The following FSTL5 variants were observed in gnomAD, a reference collection of about 807,000 sequenced individuals.
The protein encoded by FSTL5 is follistatin-related protein 5.
FSTL5 carries 62 observed loss-of-function variants against 89.1 expected under a neutral mutation model. The observed-to-expected ratio is 0.70, with a 90% CI of 0.57 to 0.86. The LOEUF (loss-of-function observed/expected upper bound fraction) is 0.86. FSTL5 is among the 40% of genes least tolerant of loss of function. The pLI is 0.00. For missense variants in FSTL5, 1,057 were observed against 1,001.6 expected, an observed-to-expected ratio of 1.06 and a Z score of -0.75; for synonymous variants, 383 against 346.2, an observed-to-expected ratio of 1.11 and a Z score of -1.18.
In FSTL5 at chr4:161,619,322, A is replaced by G. The variant is rs184960653; in HGVS notation, c.895-31747T>C. Among the ~76,000 whole-genome samples, 21 of 152,338 alleles carry G rather than the reference A, an allele frequency of 1.4e-4. 1 individual carries two copies. The highest frequency in any genetic ancestry group is 8.5e-4 in the Admixed American group (13 of 15,308). On this transcript the variant is annotated intron_variant, in intron 7 of 15. Transcript: ENST00000306100. ...AAAACACCAAAAGCAATGGCAACAA[A>G]AGACAAAATTGACAAATGGGATCTA...
At chr4:162,100,318 T>C (rs757496121) in intron 2 of FSTL5, among the ~76,000 whole-genome samples, 6 of 152,112 alleles carry the variant, frequency 3.9e-5, no homozygotes, top group Non-Finnish European at 7.4e-5. Flanking sequence ...CCTAGCACTT[T>C]GGGAGGCCGA....
At chr4:161,684,868 T>A (rs1337557361) in intron 6 of FSTL5, among the ~76,000 whole-genome samples, 1 of 152,212 alleles carries the variant, frequency 6.6e-6, no homozygotes. Context: ...TGTTATCTTG[T>A]AGAATTTTTA....
intron 4 of FSTL5, among the ~76,000 whole-genome samples, chr4:161,854,892 AATT>A (rs1731675853): frequency 6.6e-6 from 1 of 152,058 alleles, no homozygotes; most frequent in Non-Finnish European, 1.5e-5. Context: ...ATGTTAAAAA[AATT>A]ATTTTTTCCT....
chr4:161,720,719 T>G (rs1009464044), intron 6 of FSTL5, among the ~76,000 whole-genome samples: 1 of 152,160 alleles, frequency 6.6e-6, no homozygotes, highest in Non-Finnish European at 1.5e-5. Context: ...TGCCACAAAA[T>G]GGATGATCCC....
intron 4 of FSTL5, among the ~76,000 whole-genome samples, chr4:161,812,813 G>A (rs1424680285): frequency 7.5e-6 from 1 of 133,876 alleles, no homozygotes; most frequent in Non-Finnish European, 1.5e-5. Context: ...TTTATTGACT[G>A]ACAGTGGAGG....
At chr4:161,416,605 G>A (rs1356172406) in intron 15 of FSTL5, among the ~76,000 whole-genome samples, 1 of 152,146 alleles carries the variant, frequency 6.6e-6, no homozygotes, top group Non-Finnish European at 1.5e-5. Flanking sequence ...AGCACTTTGG[G>A]AGGCCCAGGT....
chr4:162,080,175 G>T (rs948166017), intron 2 of FSTL5, among the ~76,000 whole-genome samples: 1 of 151,598 alleles, frequency 6.6e-6, no homozygotes, highest in African/African-American at 2.4e-5. Flanking sequence ...TTGTATGTTT[G>T]ATGGATGTCT....
chr4:161,766,473 G>A (rs1040980721), intron 5 of FSTL5, among the ~76,000 whole-genome samples: 1 of 152,050 alleles, frequency 6.6e-6, no homozygotes, highest in African/African-American at 2.4e-5. Flanking sequence ...ATTTCATACC[G>A]TGGTTTATTT....
chr4:161,994,445 G>A (rs146513947), intron 3 of FSTL5, among the ~76,000 whole-genome samples: 2 of 152,252 alleles, frequency 1.3e-5, no homozygotes, highest in East Asian at 3.9e-4. Context: ...TTAGCTTCTT[G>A]AGAAATCGCC....
At chr4:161,629,933 G>A (rs1735447172) in intron 7 of FSTL5, among the ~76,000 whole-genome samples, 1 of 152,160 alleles carries the variant, frequency 6.6e-6, no homozygotes, top group African/African-American at 2.4e-5. Flanking sequence ...TCCAGTCGGA[G>A]GCTCAGGACC....
intron 8 of FSTL5, among the ~76,000 whole-genome samples, chr4:161,550,542 T>A (rs1732164251): frequency 1.4e-5 from 2 of 144,102 alleles, no homozygotes; most frequent in South Asian, 4.4e-4. Flanking sequence ...TATTTTATTT[T>A]TTCAGTAACT....
chr4:161,882,912 A>G (rs1302135083), intron 4 of FSTL5, among the ~76,000 whole-genome samples: 4 of 152,152 alleles, frequency 2.6e-5, no homozygotes. Context: ...TCATTGCAAT[A>G]TATGAATAGT....
intron 10 of FSTL5, among the ~76,000 whole-genome samples, chr4:161,525,780 T>G (rs1268603079): frequency 6.6e-6 from 1 of 152,208 alleles, no homozygotes; most frequent in Non-Finnish European, 1.5e-5. Context: ...TGACAATTCC[T>G]ATTTTTTCAT....
chr4:162,077,347 G>T (rs954483299), intron 2 of FSTL5, among the ~76,000 whole-genome samples: 85 of 151,950 alleles, frequency 5.6e-4, no homozygotes, highest in African/African-American at 2.0e-3. Context: ...TCAGAAAACT[G>T]CATTGTGTGT....
intron 6 of FSTL5, among the ~76,000 whole-genome samples, chr4:161,719,609 G>A (rs1739119042): frequency 6.6e-6 from 1 of 152,128 alleles, no homozygotes; most frequent in African/African-American, 2.4e-5. Context: ...TCCAATCCAT[G>A]ATCACAAGAT....
chr4:161,543,113 T>C (rs999934391), intron 8 of FSTL5, among the ~76,000 whole-genome samples: 3 of 151,804 alleles, frequency 2.0e-5, no homozygotes, highest in Admixed American at 2.0e-4. Flanking sequence ...AATAAATGAG[T>C]ATATAATGGA....
At chr4:161,804,416 G>A (rs1383541921) in intron 4 of FSTL5, among the ~76,000 whole-genome samples, 2 of 151,808 alleles carry the variant, frequency 1.3e-5, no homozygotes, top group Admixed American at 1.3e-4. Flanking sequence ...TTAATATTGA[G>A]TTATTTCAAT....
chr4:161,925,604 T>A (rs1389295941), intron 3 of FSTL5, among the ~76,000 whole-genome samples: 1 of 151,878 alleles, frequency 6.6e-6, no homozygotes, highest in East Asian at 1.9e-4. Context: ...ACAGTAATAA[T>A]GATATCATGT....
At chr4:161,454,925 T>C in intron 15 of FSTL5, 79 bp downstream of exon 15, 2 of 1,358,132 alleles carry the variant, frequency 1.5e-6, no homozygotes, top group Non-Finnish European at 2.1e-6. Context: ...CATATCTAAG[T>C]TTCTTTACGA....
Sources: allele counts gnomAD v4.1 joint callset (sites outside exome capture counted in the v4.1 genomes callset), GRCh38; gene constraint gnomAD v4.1.1; transcripts MANE v1.5; gene names NCBI Gene and HGNC (gene_info 2026-07-23, HGNC 2026-07-21).